The following LRGUK variants were observed in gnomAD, a reference collection of about 807,000 sequenced individuals.
LRGUK encodes leucine rich repeats and guanylate kinase domain containing.
Under a neutral mutation model 76.0 loss-of-function variants are expected in LRGUK, and 65 were observed. The ratio of observed to expected loss-of-function variants is 0.85; its 90% CI spans 0.70 to 1.05. LRGUK has a LOEUF of 1.05. LRGUK is among the 50% of genes least tolerant of loss of function. The probability of loss-of-function intolerance (pLI) is 0.00; values close to 1 mark genes in which losing one functional copy is unlikely to be tolerated. For synonymous variants in LRGUK, 268 were observed against 265.6 expected (o/e 1.01, Z -0.09); for missense variants, 758 against 732.8 (o/e 1.03, Z -0.40).
chr7:134,226,308 T>G (rs898770852), intron 16 of LRGUK, among the ~76,000 whole-genome samples: 8 of 151,686 alleles, frequency 5.3e-5, no homozygotes, highest in Non-Finnish European at 1.2e-4. Flanking sequence ...CCACTTATGT[T>G]AAAGATTGCA....
intron 11 of LRGUK, among the ~76,000 whole-genome samples, chr7:134,187,859 T>A (rs2117037549): frequency 6.6e-6 from 1 of 152,340 alleles, no homozygotes; most frequent in South Asian, 2.1e-4. Flanking sequence ...AGATCTCTAT[T>A]TTATAGCCAT....
intron 15 of LRGUK, among the ~76,000 whole-genome samples, chr7:134,218,198 A>G (rs1801487579): frequency 6.6e-6 from 1 of 152,156 alleles, no homozygotes; most frequent in Non-Finnish European, 1.5e-5. Flanking sequence ...CCTGACCTCA[A>G]GTGAACGCCT....
intron 15 of LRGUK, among the ~76,000 whole-genome samples, chr7:134,218,214 G>A (rs1012481202): frequency 3.3e-5 from 5 of 152,058 alleles, no homozygotes; most frequent in African/African-American, 4.8e-5. Flanking sequence ...CGCCTGCCTC[G>A]GCCTCCCAAA....
chr7:134,130,431 G>A (rs1381531133), intron 1 of LRGUK, among the ~76,000 whole-genome samples: 1 of 152,200 alleles, frequency 6.6e-6, no homozygotes. Flanking sequence ...AGAAGGGGTT[G>A]TCAAGAACTA....
At chr7:134,132,021 A>G (rs1333688114) in intron 1 of LRGUK, among the ~76,000 whole-genome samples, 2 of 152,190 alleles carry the variant, frequency 1.3e-5, no homozygotes, top group Non-Finnish European at 2.9e-5. Context: ...ATAAGGAGAA[A>G]GAAGACCTAT....
At chr7:134,243,022 G>C (rs200022660) in intron 16 of LRGUK, among the ~76,000 whole-genome samples, 1 of 152,014 alleles carries the variant, frequency 6.6e-6, no homozygotes, top group Admixed American at 6.6e-5. Context: ...GCTAAAAACT[G>C]TCAATAAACT....
At chr7:134,202,822 T>C (rs1800832921) in intron 15 of LRGUK, among the ~76,000 whole-genome samples, 1 of 152,092 alleles carries the variant, frequency 6.6e-6, no homozygotes, top group Non-Finnish European at 1.5e-5. Flanking sequence ...CAGTGTCAGT[T>C]TGAGAAGATG....
At chr7:134,189,267 A>G (rs1296131092) in intron 11 of LRGUK, among the ~76,000 whole-genome samples, 1 of 152,200 alleles carries the variant, frequency 6.6e-6, no homozygotes, top group African/African-American at 2.4e-5. Context: ...ACAAGGGAAA[A>G]GAAGAATTTT....
intron 18 of LRGUK, among the ~76,000 whole-genome samples, chr7:134,255,908 TG>T (rs1411383990): frequency 2.6e-5 from 4 of 152,200 alleles, no homozygotes; most frequent in Admixed American, 2.6e-4. Flanking sequence ...ATGAGACAGC[TG>T]GGGAGGTCAA....
chr7:134,161,089 C>T (rs1798710516), intron 6 of LRGUK, among the ~76,000 whole-genome samples: 1 of 152,068 alleles, frequency 6.6e-6, no homozygotes, highest in Non-Finnish European at 1.5e-5. Context: ...GAGATACTGT[C>T]GGAAGCATTA....
intron 5 of LRGUK, among the ~76,000 whole-genome samples, chr7:134,154,999 CAG>C (rs1321988364): frequency 3.3e-5 from 5 of 152,200 alleles, no homozygotes; most frequent in Non-Finnish European, 7.3e-5. Context: ...CTTCCTGAGG[CAG>C]ATACCCACAA....
chr7:134,273,572 T>C, the LRGUK span, among the ~76,000 whole-genome samples: 1 of 152,012 alleles, frequency 6.6e-6, no homozygotes, highest in Non-Finnish European at 1.5e-5. Context: ...GAACCGCTGC[T>C]CCACAAGGTT....
chr7:134,241,327 A>T (rs1802145638), intron 16 of LRGUK, among the ~76,000 whole-genome samples: 1 of 152,208 alleles, frequency 6.6e-6, no homozygotes, highest in African/African-American at 2.4e-5. Flanking sequence ...GCAGAGACAC[A>T]CATAGGCTCA....
Position 134,137,057 on chromosome 7 carries a change from T to C in LRGUK, c.332T>C (p.Val111Ala). The change falls in exon 2 of 16, where the codon GTG becomes GCG. Residue 111 changes from valine to alanine, a missense_variant. Coordinates refer to ENST00000645682, the Ensembl canonical transcript of LRGUK. ...GATGGGGTCCTGAGAGAGGAGGCTG[T>C]GGCCAAAGCACTCCATCACTTGGGG... 1 of 1,613,686 alleles carries C rather than the reference T, an allele frequency of 6.2e-7. No individual in the cohort carries two copies. The highest frequency in any genetic ancestry group is 8.5e-7 in the Non-Finnish European group (1 of 1,179,898).
At chr7:134,210,240 T>C (rs1013530380) in exon 16 of LRGUK, 17 of 398,896 alleles carry the variant, frequency 4.3e-5, no homozygotes, top group African/African-American at 3.5e-4. Context: ...CCTCCTCTTG[T>C]TTCTTGTCTA....
downstream of LRGUK, among the ~76,000 whole-genome samples, chr7:134,267,675 T>C (rs577626523): frequency 2.0e-5 from 3 of 152,302 alleles, no homozygotes; most frequent in South Asian, 6.2e-4. Context: ...TCTGCCATGA[T>C]TGTGAGGCCT....
chr7:134,149,997 C>T (rs894651072), intron 5 of LRGUK, among the ~76,000 whole-genome samples: 13 of 152,150 alleles, frequency 8.5e-5, no homozygotes, highest in African/African-American at 2.4e-4. Context: ...TGGTCTAGGC[C>T]GGGCGTGGTG....
At chr7:134,243,549 A>G (rs1353493350) in intron 16 of LRGUK, among the ~76,000 whole-genome samples, 1 of 152,208 alleles carries the variant, frequency 6.6e-6, no homozygotes, top group African/African-American at 2.4e-5. Context: ...ACAAAATAAA[A>G]GAGGACACAA....
intron 2 of LRGUK, among the ~76,000 whole-genome samples, chr7:134,137,855 G>GA (rs553547488): frequency 0.23 from 34,405 of 148,098 alleles, 4,682 homozygotes; most frequent in South Asian, 0.35. Flanking sequence ...GTACATATGA[G>GA]AAAAAAAAAA....
Sources: allele counts gnomAD v4.1 joint callset (sites outside exome capture counted in the v4.1 genomes callset), GRCh38; gene constraint gnomAD v4.1.1; transcripts MANE v1.5; gene names NCBI Gene and HGNC (gene_info 2026-07-23, HGNC 2026-07-21).